PTPRT: variants seen among roughly 807,000 people sequenced by gnomAD.
PTPRT encodes the protein receptor-type tyrosine-protein phosphatase T.
In PTPRT, 56 loss-of-function variants were observed where a neutral mutation model predicts 176.8. That is an observed-to-expected ratio of 0.32 (90% CI 0.26 to 0.40). The LOEUF is 0.40. Among genes scored for constraint, PTPRT ranks in the 10% least tolerant of loss-of-function variants. The pLI is 1.00. For missense variants in PTPRT, 1,540 were observed against 1,908.2 expected (o/e 0.81, Z 3.60); for synonymous variants, 783 against 739.0 (o/e 1.06, Z -0.96).
At chr20:42,622,724 T>C (rs17747999) in intron 7 of PTPRT, among the ~76,000 whole-genome samples, 15,834 of 152,212 alleles carry the variant, frequency 0.1, 1,042 homozygotes, top group Middle Eastern at 0.16. Flanking sequence ...GAAAAGTTCA[T>C]GGCTTCAAAA....
intron 1 of PTPRT, among the ~76,000 whole-genome samples, chr20:42,908,886 A>G (rs206666): frequency 0.037 from 5,595 of 152,280 alleles, 359 homozygotes; most frequent in African/African-American, 0.13. Flanking sequence ...GGATGGTGCC[A>G]GGGCTCATGT....
chr20:43,015,438 C>T (rs546841526), intron 1 of PTPRT, among the ~76,000 whole-genome samples: 2 of 152,182 alleles, frequency 1.3e-5, no homozygotes, highest in Non-Finnish European at 2.9e-5. Flanking sequence ...AAGTATTTTA[C>T]GGGTATCATA....
chr20:42,919,110 G>A (rs143268823), intron 1 of PTPRT, among the ~76,000 whole-genome samples: 1 of 152,300 alleles, frequency 6.6e-6, no homozygotes, highest in Non-Finnish European at 1.5e-5. Flanking sequence ...AAACACTCCT[G>A]GGGAAGAGTC....
At position 42,572,961 on chromosome 20, in the gene PTPRT, CTTT is replaced by C. The variant is rs76184453; in HGVS notation, c.1154-100402_1154-100400del. 4.6e-4 allele frequency among the ~76,000 whole-genome samples: 65 copies of C among 140,196 alleles called. No homozygotes were observed. The South Asian group carries it at 5.9e-3, about 13-fold the overall frequency. 92.0% of individuals were successfully genotyped at this position (140,196 alleles called of 152,430 possible). A position where few individuals can be genotyped will look rare whatever the true frequency, so the allele number is the denominator to read the frequency against. Reference sequence around the variant, plus strand: ...TTAACATCTAAACACAATTGATAGCCTTTTTTTTTTTTGGCATATATGTCTCCA... The same window carrying C: ...TTAACATCTAAACACAATTGATAGCCTTTTTTTTTGGCATATATGTCTCCA... On this transcript the variant is annotated intron_variant, in intron 7 of 30. Coordinates refer to ENST00000373187, the MANE Select transcript of PTPRT (RefSeq NM_007050.6).
chr20:42,268,145 T>G (rs746083410), intron 13 of PTPRT, among the ~76,000 whole-genome samples: 24 of 152,028 alleles, frequency 1.6e-4, no homozygotes, highest in Non-Finnish European at 2.6e-4. Flanking sequence ...CAGTTATTAT[T>G]TACATCAGCC....
At chr20:42,276,520 T>C (rs1189043614) in intron 13 of PTPRT, among the ~76,000 whole-genome samples, 2 of 33,032 alleles carry the variant, frequency 6.1e-5, no homozygotes, top group African/African-American at 2.1e-4. Context: ...TATATATATA[T>C]ATATATATAT....
intron 2 of PTPRT, among the ~76,000 whole-genome samples, chr20:42,823,604 A>C (rs189154699): frequency 3.3e-5 from 5 of 152,296 alleles, no homozygotes; most frequent in African/African-American, 9.6e-5. Flanking sequence ...GATGTAGAAG[A>C]ATACTCTATT....
chr20:43,037,159 A>G (rs1986415485), intron 1 of PTPRT, among the ~76,000 whole-genome samples: 1 of 152,236 alleles, frequency 6.6e-6, no homozygotes, highest in Admixed American at 6.5e-5. Context: ...ATTAAGCAAA[A>G]TCTTTGCTTT....
At chr20:42,403,358 T>A (rs1336436908) in intron 9 of PTPRT, among the ~76,000 whole-genome samples, 1 of 152,206 alleles carries the variant, frequency 6.6e-6, no homozygotes, top group Non-Finnish European at 1.5e-5. Context: ...CCACAATGAC[T>A]AGCTTTGTGA....
At chr20:42,640,508 G>A (rs2074718216) in intron 7 of PTPRT, among the ~76,000 whole-genome samples, 1 of 152,038 alleles carries the variant, frequency 6.6e-6, no homozygotes, top group South Asian at 2.1e-4. Flanking sequence ...CGTGCCTCAG[G>A]TTCCCGAGTA....
chr20:42,220,037 T>TTTTA, intron 15 of PTPRT, among the ~76,000 whole-genome samples: 1 of 116,690 alleles, frequency 8.6e-6, no homozygotes, highest in South Asian at 3.2e-4. Flanking sequence ...TTTAAAAAAG[T>TTTTA]TATATATATA....
At position 42,115,328 on chromosome 20, in the gene PTPRT, G is replaced by GAGAGAC. The variant is rs751989473; in HGVS notation, c.2983-19_2983-14dup. On this transcript the variant is annotated splice_polypyrimidine_tract_variant and intron_variant, in intron 21 of 30. Coordinates refer to ENST00000373187, the MANE Select transcript of PTPRT (RefSeq NM_007050.6). The stretch of plus-strand genomic sequence containing the variant: ...GCACACATTTCACCTGTGGCCAAGT[G>GAGAGAC]AGAGACAGAGACAGAGACAGAACAG... The GAGAGAC allele has an allele frequency of 3.5e-5, 55 of 1,583,474 alleles. No homozygotes were observed. The highest frequency in any genetic ancestry group is 6.6e-5 in the South Asian group (6 of 90,440).
chr20:43,102,063 C>G (rs3091802), intron 1 of PTPRT, among the ~76,000 whole-genome samples: 74,630 of 151,892 alleles, frequency 0.49, 18,692 homozygotes, highest in African/African-American at 0.52. Context: ...GGGCATGGAG[C>G]CCTAGCTAAT....
intron 12 of PTPRT, among the ~76,000 whole-genome samples, chr20:42,290,318 A>C (rs1457700436): frequency 6.6e-6 from 1 of 152,090 alleles, no homozygotes; most frequent in Non-Finnish European, 1.5e-5. Flanking sequence ...CCAGATTAAA[A>C]TCTGCATGCA....
chr20:42,618,604 C>T lies in PTPRT; in HGVS notation c.1153+59262G>A, dbSNP rs1172191220. On this transcript the variant is annotated intron_variant, in intron 7 of 30. Transcript: ENST00000373187. Reference sequence around the variant, plus strand: ...CTCTTTGTAGGTCACTCAGGACTTGCTTTATGAATCTGGGTGCTCCTGTAT... The same window carrying T: ...CTCTTTGTAGGTCACTCAGGACTTGTTTTATGAATCTGGGTGCTCCTGTAT... Among the ~76,000 whole-genome samples, 3 of 128,204 alleles carry T rather than the reference C, an allele frequency of 2.3e-5. No homozygotes were observed. In the East Asian group the frequency reaches 6.1e-4, roughly 26 times the overall value. 84.1% of individuals were successfully genotyped at this position (128,204 alleles called of 152,430 possible).
At chr20:42,944,559 T>C (rs1006768649) in intron 1 of PTPRT, among the ~76,000 whole-genome samples, 2 of 152,170 alleles carry the variant, frequency 1.3e-5, no homozygotes, top group African/African-American at 4.8e-5. Flanking sequence ...TTCCCTGGCC[T>C]CACTGGTCTT....
intron 7 of PTPRT, among the ~76,000 whole-genome samples, chr20:42,639,734 C>G (rs1181758892): frequency 6.6e-6 from 1 of 152,074 alleles, no homozygotes; most frequent in Non-Finnish European, 1.5e-5. Context: ...AGACACAAAC[C>G]AATCAAAAGA....
chr20:42,576,611 T>C (rs1185033720), intron 7 of PTPRT, among the ~76,000 whole-genome samples: 1 of 152,126 alleles, frequency 6.6e-6, no homozygotes, highest in Non-Finnish European at 1.5e-5. Context: ...TCTCTGGAAC[T>C]TGCAAGTCTG....
intron 1 of PTPRT, among the ~76,000 whole-genome samples, chr20:42,956,597 A>T (rs1191359558): frequency 4.6e-5 from 7 of 151,034 alleles, no homozygotes; most frequent in East Asian, 1.9e-4. Flanking sequence ...TTTTTTTTTT[A>T]AATAAATTAC....
Sources: gnomAD v4.1 joint callset for allele counts (sites outside exome capture counted in the v4.1 genomes callset) on GRCh38, gnomAD v4.1.1 for gene constraint, MANE v1.5 for transcripts, NCBI Gene and HGNC (gene_info 2026-07-23, HGNC 2026-07-21) for gene names.